TNIK: variants seen among roughly 807,000 people sequenced by gnomAD.
TNIK encodes the protein TRAF2 and NCK interacting kinase.
A neutral mutation model predicts 191.3 loss-of-function variants in TNIK; 49 were observed. The ratio of observed to expected loss-of-function variants is 0.26; its 90% CI spans 0.20 to 0.32. TNIK has a LOEUF of 0.32. TNIK is among the 10% of genes least tolerant of loss of function. The pLI, the probability that TNIK is intolerant of heterozygous loss-of-function variation, is 1.00. For missense variants in TNIK, 1,155 were observed against 1,702.3 expected (o/e 0.68, Z 5.66); for synonymous variants, 594 against 600.9 (o/e 0.99, Z 0.17).
chr3:171,177,074 A>C lies in TNIK; in HGVS notation c.694+252T>G, dbSNP rs572741257. Among the ~76,000 whole-genome samples, 3 of 152,152 alleles carry C rather than the reference A, an allele frequency of 2.0e-5. No homozygotes were observed. The South Asian group carries it at 6.2e-4, about 32-fold the overall frequency. On this transcript the variant is annotated intron_variant, in intron 8 of 32. Transcript: ENST00000436636. ...AATGATGTACAGAATCTGTAAAACAAACAAGACTCCCCAAAGTATGCTTTC... is the reference window on the plus strand; with the variant it reads ...AATGATGTACAGAATCTGTAAAACACACAAGACTCCCCAAAGTATGCTTTC...
At chr3:171,160,459 G>A (rs1733845938) in intron 11 of TNIK, among the ~76,000 whole-genome samples, 4 of 151,636 alleles carry the variant, frequency 2.6e-5, no homozygotes, top group Admixed American at 6.6e-5. Flanking sequence ...GATGGCTTGA[G>A]GAGGGAGGCC....
At chr3:171,428,346 A>G (rs768315661) in intron 1 of TNIK, among the ~76,000 whole-genome samples, 2 of 152,214 alleles carry the variant, frequency 1.3e-5, no homozygotes, top group African/African-American at 4.8e-5. Context: ...GAGAGGAGTC[A>G]AAGTTACTCC....
chr3:171,324,365 GAACTA>G (rs1473579962), intron 2 of TNIK, among the ~76,000 whole-genome samples: 1 of 152,080 alleles, frequency 6.6e-6, no homozygotes, highest in Non-Finnish European at 1.5e-5. Context: ...ACTTCATAGA[GAACTA>G]AACAAGCATA....
At chr3:171,107,566 C>T (rs890717999) in intron 20 of TNIK, among the ~76,000 whole-genome samples, 1 of 152,152 alleles carries the variant, frequency 6.6e-6, no homozygotes. Context: ...CATGTTACAG[C>T]AGTGAAGCTG....
chr3:171,391,712 C>A (rs1719530772), intron 1 of TNIK, among the ~76,000 whole-genome samples: 1 of 152,136 alleles, frequency 6.6e-6, no homozygotes, highest in Non-Finnish European at 1.5e-5. Flanking sequence ...AACTTCCATG[C>A]ATATGTATGT....
At chr3:171,128,374 T>A (rs888718362) in intron 16 of TNIK, among the ~76,000 whole-genome samples, 1 of 152,210 alleles carries the variant, frequency 6.6e-6, no homozygotes, top group Non-Finnish European at 1.5e-5. Context: ...TGCACACACA[T>A]ACACACACCT....
At chr3:171,381,896 G>A (rs1467523818) in intron 1 of TNIK, among the ~76,000 whole-genome samples, 2 of 152,192 alleles carry the variant, frequency 1.3e-5, no homozygotes, top group Non-Finnish European at 2.9e-5. Context: ...AAGAATGGAA[G>A]CCTTATGCTA....
chr3:171,290,676 A>C (rs762654627), intron 2 of TNIK, among the ~76,000 whole-genome samples: 17 of 152,230 alleles, frequency 1.1e-4, no homozygotes, highest in Non-Finnish European at 1.9e-4. Flanking sequence ...CAATCTCTGC[A>C]GAAGATAGGT....
chr3:171,171,905 A>G (rs1037321734), intron 9 of TNIK, among the ~76,000 whole-genome samples: 3 of 152,166 alleles, frequency 2.0e-5, no homozygotes, highest in Admixed American at 2.0e-4. Flanking sequence ...CTCTGATTCC[A>G]CAAAGGTTAC....
At chr3:171,291,911 T>C (rs13068768) in intron 2 of TNIK, among the ~76,000 whole-genome samples, 6,913 of 152,262 alleles carry the variant, frequency 0.045, 226 homozygotes, top group African/African-American at 0.096. Context: ...CTGTTCACTT[T>C]TTAAAATCCT....
chr3:171,344,535 G>A (rs1204717210), intron 2 of TNIK, among the ~76,000 whole-genome samples: 1 of 152,046 alleles, frequency 6.6e-6, no homozygotes, highest in South Asian at 2.1e-4. Context: ...ACACAAGAAA[G>A]GTACTGATGA....
At chr3:171,263,746 G>T (rs1431841618) in intron 2 of TNIK, among the ~76,000 whole-genome samples, 1 of 151,944 alleles carries the variant, frequency 6.6e-6, no homozygotes, top group African/African-American at 2.4e-5. Flanking sequence ...GCCCAAAGGA[G>T]TATGGGAGGC....
At chr3:171,176,029 T>G (rs1735915333) in intron 8 of TNIK, among the ~76,000 whole-genome samples, 1 of 152,232 alleles carries the variant, frequency 6.6e-6, no homozygotes, top group Non-Finnish European at 1.5e-5. Flanking sequence ...CACTCATATG[T>G]TCTTATTTTA....
rs11375341 is a variant in TNIK, at chr3:171,284,608, T to TAA, written c.124-56389_124-56388dup. Among the ~76,000 whole-genome samples, 80 of 141,980 alleles carry TAA rather than the reference T, an allele frequency of 5.6e-4. 1 individual carries two copies. Among genetic ancestry groups the TAA allele is most frequent in the African/African-American group, 5.1e-4 (20 of 39,560 alleles). The allele number at this position is 141,980 out of a possible 152,430, so 93.1% of individuals were successfully genotyped here. A position where few individuals can be genotyped will look rare whatever the true frequency, so the allele number is the denominator to read the frequency against. On this transcript the variant is annotated intron_variant, in intron 2 of 32. Transcript: ENST00000436636. The stretch of plus-strand genomic sequence containing the variant: ...ATTTCTTAATAAACCTCCTGCATGC[T>TAA]AAAAAAAAAATAAAAAATAAAATCA...
intron 15 of TNIK, among the ~76,000 whole-genome samples, chr3:171,136,768 G>A (rs1730043994): frequency 6.6e-6 from 1 of 152,214 alleles, no homozygotes; most frequent in Non-Finnish European, 1.5e-5. Flanking sequence ...ATGCCTGCCA[G>A]CCAAGAAGCA....
chr3:171,324,072 A>G (rs1010261330), intron 2 of TNIK, among the ~76,000 whole-genome samples: 1 of 150,956 alleles, frequency 6.6e-6, no homozygotes, highest in African/African-American at 2.4e-5. Flanking sequence ...CCATGCTGCA[A>G]TGTAATCCCA....
At chr3:171,085,426 G>A (rs60572974) in intron 24 of TNIK, among the ~76,000 whole-genome samples, 197 bp from the exon 25 acceptor site, 4,738 of 152,238 alleles carry the variant, frequency 0.031, 245 homozygotes, top group African/African-American at 0.1. Context: ...TTGTGCATTC[G>A]TAGGACTTCA....
In TNIK at chr3:171,413,666, T is replaced by C. The variant is rs1722684721; in HGVS notation, c.58-43981A>G. 1.3e-5 allele frequency among the ~76,000 whole-genome samples: 2 copies of C among 152,234 alleles called. 1 individual carries two copies. Among genetic ancestry groups the C allele is most frequent in the South Asian group, 4.1e-4 (2 of 4,830 alleles). On this transcript the variant is annotated intron_variant, in intron 1 of 32. Transcript: ENST00000436636. ...ATTCCTACCTGTGCAGACTTTTCAG[T>C]TTCATTTCTACATAATTTACTACTA...
At chr3:171,432,206 T>G (rs1293842494) in intron 1 of TNIK, among the ~76,000 whole-genome samples, 1 of 151,936 alleles carries the variant, frequency 6.6e-6, no homozygotes, top group Non-Finnish European at 1.5e-5. Context: ...CAGAACACAA[T>G]CGACTTGTGG....
Sources: allele counts gnomAD v4.1 joint callset (sites outside exome capture counted in the v4.1 genomes callset), GRCh38; gene constraint gnomAD v4.1.1; transcripts MANE v1.5; gene names NCBI Gene and HGNC (gene_info 2026-07-23, HGNC 2026-07-21).